The following RIMBP2 variants were observed in gnomAD, a reference collection of about 807,000 sequenced individuals.
RIMBP2 encodes the protein RIMS binding protein 2.
A neutral mutation model predicts 118.6 loss-of-function variants in RIMBP2; 48 were observed. The ratio of observed to expected loss-of-function variants is 0.40; its 90% confidence interval spans 0.32 to 0.51. The LOEUF (loss-of-function observed/expected upper bound fraction) is 0.51, where lower values mean the gene tolerates loss of function less well. Among genes scored for constraint, RIMBP2 ranks in the 20% least tolerant of loss-of-function variants. The probability of loss-of-function intolerance (pLI) is 0.41; values close to 1 mark genes in which losing one functional copy is unlikely to be tolerated. For missense variants in RIMBP2, 1,551 were observed against 1,768.3 expected, an observed-to-expected ratio of 0.88 and a Z score of 2.20; for synonymous variants, 762 against 742.9, an observed-to-expected ratio of 1.03 and a Z score of -0.42.
chr12:130,556,208 C>T (rs2056340553), intron 2 of RIMBP2, among the ~76,000 whole-genome samples: 1 of 152,200 alleles, frequency 6.6e-6, no homozygotes, highest in Non-Finnish European at 1.5e-5. Context: ...TGGCAACGTG[C>T]ACTCTGTCTG....
rs145210352 is a variant in RIMBP2, at chr12:130,571,570, C to T, written c.-216-53653G>A. Among the ~76,000 whole-genome samples, 252 of 152,170 alleles carry T rather than the reference C, an allele frequency of 1.7e-3. 3 individuals carry two copies. The highest frequency in any genetic ancestry group is 5.8e-3 in the African/African-American group (242 of 41,514). ...GGGTAGCTGGAATTACAGGCGCCCG[C>T]CACCATGCCCAGCTAATTTTTATAT... On this transcript the variant is annotated intron_variant, in intron 2 of 22. Transcript: ENST00000690449.
rs1174491993 is a variant in RIMBP2, at chr12:130,715,937, GC to G, written c.-352+284del. ...ATGACAGAGCCACAGCACCCCTGCA[GC>G]TGACACCCGGCACCCAGGAAGAAGC... On this transcript the variant is annotated intron_variant, in intron 1 of 22. Coordinates refer to ENST00000690449, the MANE Select transcript of RIMBP2 (RefSeq NM_001393629.1). Among the ~76,000 whole-genome samples the G allele has an allele frequency of 5.9e-5, 9 of 152,264 alleles. No individual in the cohort carries two copies. The South Asian group carries it at 1.0e-3, about 18-fold the overall frequency.
At position 130,517,468 on chromosome 12, in the gene RIMBP2, G is replaced by A. The variant is rs145988988; in HGVS notation, c.-127+360C>T. ...AGGGAGTTAGATTCGGATGAAGAAA[G>A]AGCAGCGCCCAGGAGGCCCCATCAT... On this transcript the variant is annotated intron_variant, in intron 3 of 22. Transcript: ENST00000690449. 4.4e-3 allele frequency among the ~76,000 whole-genome samples: 669 copies of A among 152,288 alleles called. 6 individuals are homozygous for A. Among genetic ancestry groups the A allele is most frequent in the African/African-American group, 0.015 (610 of 41,540 alleles).
intron 6 of RIMBP2, among the ~76,000 whole-genome samples, chr12:130,464,578 T>G (rs1454882908): frequency 6.6e-6 from 1 of 151,656 alleles, no homozygotes. Context: ...GAATACCTAC[T>G]ATGTGCTTGG....
chr12:130,638,382 G>A (rs772999273), intron 1 of RIMBP2, among the ~76,000 whole-genome samples: 2 of 152,206 alleles, frequency 1.3e-5, no homozygotes, highest in African/African-American at 2.4e-5. Flanking sequence ...AGTCTGAAAA[G>A]GATATAAACT....
At position 130,604,405 on chromosome 12, in the gene RIMBP2, G is replaced by A. The variant is rs137889966; in HGVS notation, c.-217+23917C>T. Among the ~76,000 whole-genome samples, 1,049 of 148,592 alleles carry A rather than the reference G, an allele frequency of 7.1e-3. 8 individuals carry two copies. The highest frequency in any genetic ancestry group is 0.011 in the Non-Finnish European group (775 of 67,398). On this transcript the variant is annotated intron_variant, in intron 2 of 22. Coordinates refer to ENST00000690449, the MANE Select transcript of RIMBP2 (RefSeq NM_001393629.1). ...TGTTTTAGGCTACTCAGTGCGGCCC[G>A]AGTGTTCAGTGTCCATAAAGCCTAC...
chr12:130,530,318 T>C (rs4759715), intron 2 of RIMBP2, among the ~76,000 whole-genome samples: 113,370 of 152,040 alleles, frequency 0.75, 42,410 homozygotes, highest in East Asian at 0.84. Flanking sequence ...TATAATGTGT[T>C]GACTTTAGAA....
At chr12:130,671,695 C>T (rs923420104) in intron 1 of RIMBP2, among the ~76,000 whole-genome samples, 12 of 152,118 alleles carry the variant, frequency 7.9e-5, no homozygotes, top group Non-Finnish European at 1.6e-4. Context: ...CAACCAGAGG[C>T]CAGCAGCACG....
At chr12:130,573,622 G>A (rs906202988) in intron 2 of RIMBP2, among the ~76,000 whole-genome samples, 19 of 152,154 alleles carry the variant, frequency 1.2e-4, no homozygotes, top group Admixed American at 1.2e-3. Flanking sequence ...CTCTAGGACA[G>A]GGCAGGGTGG....
intron 1 of RIMBP2, chr12:130,658,055 A>G (rs1371701080): frequency 6.6e-6 from 1 of 152,302 alleles, no homozygotes; most frequent in Non-Finnish European, 1.5e-5. Context: ...TTGTTCCCCC[A>G]TCCTCTCTCC....
intron 4 of RIMBP2, among the ~76,000 whole-genome samples, chr12:130,479,828 C>T (rs994541505): frequency 4.0e-5 from 6 of 151,692 alleles, no homozygotes; most frequent in East Asian, 4.0e-4. Flanking sequence ...CCTGACAATC[C>T]GTCTGTCCTG....
In RIMBP2 at chr12:130,670,413, G is replaced by T. The variant is rs549504972; in HGVS notation, c.-351-41957C>A. Among the ~76,000 whole-genome samples, 17 of 152,194 alleles carry T rather than the reference G, an allele frequency of 1.1e-4. No individual in the cohort carries two copies. The highest frequency in any genetic ancestry group is 2.4e-4 in the Non-Finnish European group (16 of 68,032). On this transcript the variant is annotated intron_variant, in intron 1 of 22. Coordinates refer to ENST00000690449, the MANE Select transcript of RIMBP2 (RefSeq NM_001393629.1). The surrounding 1 kb of genome is among the most constrained non-coding windows in gnomAD (Gnocchi z 4.9). ...GAAACTAGAGGGCAGTAGTCATGTG[G>T]GTTCTCATGAACACGCCAGCCCTGC...
At chr12:130,652,378 T>G (rs2063263610) in intron 1 of RIMBP2, among the ~76,000 whole-genome samples, 1 of 152,218 alleles carries the variant, frequency 6.6e-6, no homozygotes, top group Non-Finnish European at 1.5e-5. Context: ...CCATCTGACT[T>G]TTTTCCAAAA....
chr12:130,643,589 C>A (rs1169336400), intron 1 of RIMBP2, among the ~76,000 whole-genome samples: 2 of 152,198 alleles, frequency 1.3e-5, no homozygotes, highest in Middle Eastern at 3.2e-3. Context: ...AGGTCCCCCA[C>A]TTTACAGATA....
At chr12:130,556,692 T>A (rs898379915) in intron 2 of RIMBP2, among the ~76,000 whole-genome samples, 1 of 152,144 alleles carries the variant, frequency 6.6e-6, no homozygotes, top group Non-Finnish European at 1.5e-5. Context: ...CCCCACCTTC[T>A]CGCCTGCTAC....
chr12:130,643,416 T>C (rs1164826614), intron 1 of RIMBP2, among the ~76,000 whole-genome samples: 3 of 151,942 alleles, frequency 2.0e-5, no homozygotes, highest in Non-Finnish European at 4.4e-5. Context: ...ACCAGGACCA[T>C]GGAAGCACAG....
Position 130,703,501 on chromosome 12 carries a change from C to T in RIMBP2, c.-352+12721G>A, listed in dbSNP as rs536621214. 8.5e-5 allele frequency among the ~76,000 whole-genome samples: 13 copies of T among 152,306 alleles called. No homozygotes were observed. In the South Asian group the frequency reaches 2.3e-3, roughly 27 times the overall value. On this transcript the variant is annotated intron_variant, in intron 1 of 22. Transcript: ENST00000690449. The surrounding 1 kb of genome is among the most constrained non-coding windows in gnomAD (Gnocchi z 5.7). Reference sequence around the variant, plus strand: ...CACCCGCCTGCCCTCCCCAATCCCTCACCCACTGCTGCGACCACCCGGTGC... The same window carrying T: ...CACCCGCCTGCCCTCCCCAATCCCTTACCCACTGCTGCGACCACCCGGTGC...
At chr12:130,549,246 T>C (rs1343477526) in intron 2 of RIMBP2, among the ~76,000 whole-genome samples, 7 of 152,176 alleles carry the variant, frequency 4.6e-5, no homozygotes, top group Non-Finnish European at 1.5e-5. Flanking sequence ...CTCTACCATA[T>C]GGACTAAGCT....
In RIMBP2 at chr12:130,621,634, G is replaced by A. The variant is rs1423171391; in HGVS notation, c.-217+6688C>T. ...CTCTGAGCCCACGGCTATATCAGCAGCCTCATTTATGTGTCCTGCAGAACA... is the reference window on the plus strand; with the variant it reads ...CTCTGAGCCCACGGCTATATCAGCAACCTCATTTATGTGTCCTGCAGAACA... On this transcript the variant is annotated intron_variant, in intron 2 of 22. Coordinates refer to ENST00000690449, the MANE Select transcript of RIMBP2 (RefSeq NM_001393629.1). The surrounding 1 kb of genome is among the most constrained non-coding windows in gnomAD (Gnocchi z 6.6). Among the ~76,000 whole-genome samples the A allele has an allele frequency of 6.6e-6, 1 of 152,182 alleles. No homozygotes were observed. The highest frequency in any genetic ancestry group is 1.5e-5 in the Non-Finnish European group (1 of 68,024).
Sources: allele counts gnomAD v4.1 joint callset (sites outside exome capture counted in the v4.1 genomes callset), GRCh38; gene constraint gnomAD v4.1.1; non-coding constraint Gnocchi (gnomAD v3.1); transcripts MANE v1.5; gene names NCBI Gene and HGNC (gene_info 2026-07-23, HGNC 2026-07-21).